FGF13: variants seen among roughly 807,000 people sequenced by gnomAD.
FGF13 encodes the protein fibroblast growth factor homologous factor 2.
FGF13 carries 2 observed loss-of-function variants against 19.5 expected under a neutral mutation model. That is an observed-to-expected ratio of 0.10 (90% confidence interval 0.04 to 0.32). The LOEUF is 0.32. FGF13 is among the 10% of genes least tolerant of loss of function. The pLI, the probability that FGF13 is intolerant of heterozygous loss-of-function variation, is 1.00. For missense variants in FGF13, 113 were observed against 192.7 expected (o/e 0.59, Z 2.45); for synonymous variants, 72 against 76.9 (o/e 0.94, Z 0.33).
chrX:139,066,833 G>C (rs1463536505), intron 1 of FGF13, among the ~76,000 whole-genome samples: 1 of 108,551 alleles, frequency 9.2e-6, no homozygotes, highest in Non-Finnish European at 1.9e-5. Context: ...AAAAAAAAAA[G>C]CAAATTTCAG....
At chrX:138,780,293 G>A (rs2090627804) in intron 3 of FGF13, among the ~76,000 whole-genome samples, 1 of 101,249 alleles carries the variant, frequency 9.9e-6, no homozygotes, top group Non-Finnish European at 2.0e-5. Context: ...CATAATGACA[G>A]GATCAAATTC....
intron 1 of FGF13, among the ~76,000 whole-genome samples, chrX:139,156,134 G>A (rs2083975241): frequency 8.9e-6 from 1 of 112,176 alleles, no homozygotes; most frequent in South Asian, 3.7e-4. Context: ...ACATAAAATT[G>A]TTTTGTCAGG....
intron 1 of FGF13, among the ~76,000 whole-genome samples, chrX:139,147,479 G>A (rs1331468063): frequency 8.9e-6 from 1 of 111,976 alleles, no homozygotes; most frequent in Non-Finnish European, 1.9e-5. Context: ...AGCTTCCTCA[G>A]TAAGACCTTC....
At chrX:138,919,251 C>T (rs938786883) in intron 1 of FGF13, among the ~76,000 whole-genome samples, 3 of 111,451 alleles carry the variant, frequency 2.7e-5, no homozygotes, top group African/African-American at 9.8e-5. Context: ...AGAACTCTAA[C>T]AAATCAGCAA....
intron 1 of FGF13, among the ~76,000 whole-genome samples, chrX:139,017,233 A>G (rs1395182355): frequency 9.1e-6 from 1 of 109,475 alleles, no homozygotes; most frequent in Non-Finnish European, 1.9e-5. Flanking sequence ...TCTGTTATAT[A>G]GATTGCATTG....
intron 1 of FGF13, among the ~76,000 whole-genome samples, chrX:138,869,474 G>A (rs867656318): frequency 1.1e-4 from 12 of 112,195 alleles, no homozygotes; most frequent in South Asian, 7.4e-4. Context: ...ATGAGTCCTT[G>A]GATCCTCTTG....
chrX:138,772,802 G>A (rs1487997039), intron 3 of FGF13, among the ~76,000 whole-genome samples: 1 of 110,914 alleles, frequency 9.0e-6, no homozygotes, highest in Non-Finnish European at 1.9e-5. Context: ...AATCCAGGAA[G>A]TACCCTAAGT....
chrX:138,857,618 T>C (rs1178619307), exon 3 of FGF13: 1 of 1,207,193 alleles, frequency 8.3e-7, no homozygotes, highest in African/African-American at 1.8e-5. Context: ...ATTCCGCAGA[T>C]TGGATGGAAT....
At chrX:139,061,443 A>G (rs2092335677) in intron 1 of FGF13, among the ~76,000 whole-genome samples, 1 of 110,943 alleles carries the variant, frequency 9.0e-6, no homozygotes, top group Admixed American at 9.6e-5. Context: ...GCTGTTATAA[A>G]GCGAGGTCAC....
In FGF13 at chrX:139,000,115, G is replaced by A. The variant is rs771933107; in HGVS notation, c.-112-135465C>T. ...GATTATCTCAATAGATGCATAAAAG[G>A]CCTTCTATAAAATTCAACAGCCCTT... On this transcript the variant is annotated intron_variant, in intron 1 of 2. Coordinates refer to the FGF13 transcript ENST00000421460. Among the ~76,000 whole-genome samples the A allele has an allele frequency of 5.4e-5, 6 of 111,449 alleles. No individual in the cohort carries two copies. The South Asian group carries it at 2.3e-3, about 42-fold the overall frequency.
chrX:139,019,763 T>C (rs1027598786), intron 1 of FGF13, among the ~76,000 whole-genome samples: 12 of 110,622 alleles, frequency 1.1e-4, no homozygotes, highest in Admixed American at 7.7e-4. Context: ...TTCATGTCTA[T>C]GTGTGTGTGC....
intron 1 of FGF13, among the ~76,000 whole-genome samples, chrX:138,888,962 A>T (rs188063358): frequency 8.9e-6 from 1 of 112,265 alleles, no homozygotes; most frequent in East Asian, 2.8e-4. Flanking sequence ...GCTGTCTTCC[A>T]TGGGCATTAG....
chrX:138,652,082 T>A (rs770743081), intron 3 of FGF13, among the ~76,000 whole-genome samples: 2 of 111,850 alleles, frequency 1.8e-5, no homozygotes, highest in Non-Finnish European at 3.8e-5. Flanking sequence ...TTTGATCTTA[T>A]GTATCATTTG....
intron 1 of FGF13, among the ~76,000 whole-genome samples, chrX:139,025,126 T>C (rs142652521): frequency 0.022 from 2,398 of 111,154 alleles, 80 homozygotes; most frequent in African/African-American, 0.073. Flanking sequence ...CTCAGTGTCT[T>C]TTCACCACTG....
chrX:138,768,197 C>T (rs2090515923), intron 3 of FGF13, among the ~76,000 whole-genome samples: 1 of 112,188 alleles, frequency 8.9e-6, no homozygotes, highest in Non-Finnish European at 1.9e-5. Flanking sequence ...AGAAACTCGT[C>T]ATTTTAACTT....
intron 1 of FGF13, among the ~76,000 whole-genome samples, chrX:139,101,792 G>T (rs2083516365): frequency 9.0e-6 from 1 of 111,716 alleles, no homozygotes; most frequent in Non-Finnish European, 1.9e-5. Flanking sequence ...TCAATATTAT[G>T]CAACTATTTG....
In FGF13 at chrX:138,624,322, G is replaced by T. The variant is rs752662915; in HGVS notation, c.*8528C>A. Reference sequence around the variant, plus strand: ...CAAAGGCACTAAAAACACATCATGGGGAAATATAGTCCATTCAATAAATCG... The same window carrying T: ...CAAAGGCACTAAAAACACATCATGGTGAAATATAGTCCATTCAATAAATCG... On this transcript the variant is annotated 3_prime_UTR_variant, in exon 5 of 5. Transcript: ENST00000315930. The T allele has an allele frequency of 9.0e-6, 1 of 111,204 alleles. No individual in the cohort carries two copies. Among genetic ancestry groups the T allele is most frequent in the African/African-American group, 3.3e-5 (1 of 30,625 alleles). 9.2% of individuals were successfully genotyped at this position (111,204 alleles called of 1,213,427 possible). A position where few individuals can be genotyped will look rare whatever the true frequency, so the allele number is the denominator to read the frequency against.
intron 1 of FGF13, among the ~76,000 whole-genome samples, chrX:139,025,863 C>T (rs1220412653): frequency 2.7e-5 from 3 of 110,554 alleles, no homozygotes; most frequent in African/African-American, 9.9e-5. Context: ...CATTGACCTC[C>T]CATCTGCAAA....
chrX:138,640,665 T>C (rs904273037), intron 3 of FGF13, among the ~76,000 whole-genome samples: 23 of 112,182 alleles, frequency 2.1e-4, no homozygotes, highest in Non-Finnish European at 3.0e-4. Context: ...AGAGCTAAAA[T>C]ATCTGTAAAA....
Sources: allele counts gnomAD v4.1 joint callset (sites outside exome capture counted in the v4.1 genomes callset), GRCh38; gene constraint gnomAD v4.1.1; transcripts MANE v1.5; gene names NCBI Gene and HGNC (gene_info 2026-07-23, HGNC 2026-07-21).